TOM1L2: variants seen among roughly 807,000 people sequenced by gnomAD.
The protein encoded by TOM1L2 is TOM1-like protein 2.
In TOM1L2, 31 loss-of-function variants were observed where a neutral mutation model predicts 67.9. The observed-to-expected ratio is 0.46, with a 90% CI of 0.34 to 0.62. The LOEUF is 0.62. TOM1L2 is among the 20% of genes least tolerant of loss of function. The pLI, the probability that TOM1L2 is intolerant of heterozygous loss-of-function variation, is 0.01. For missense variants in TOM1L2, 606 were observed against 663.5 expected (o/e 0.91, Z 0.95); for synonymous variants, 256 against 254.0 (o/e 1.01, Z -0.07).
intron 1 of TOM1L2, among the ~76,000 whole-genome samples, chr17:17,966,549 G>A (rs1027473865): frequency 2.0e-5 from 3 of 152,196 alleles, no homozygotes; most frequent in African/African-American, 7.2e-5. Context: ...GAAACTCTGA[G>A]GGTAGGATCC....
At position 17,899,775 on chromosome 17, in the gene TOM1L2, G is replaced by C. The variant is rs117915049; in HGVS notation, c.138-1101C>G. 6.9e-3 allele frequency among the ~76,000 whole-genome samples: 1,055 copies of C among 152,298 alleles called. 5 individuals are homozygous for C. The highest frequency in any genetic ancestry group is 0.01 in the Non-Finnish European group (689 of 68,020). On this transcript the variant is annotated intron_variant, in intron 2 of 14. Coordinates refer to ENST00000379504, the MANE Select transcript of TOM1L2 (RefSeq NM_001082968.2). ...TGTGTCAATATACTGGTCTTTCCCA[G>C]CTTGCACGTTTGTTAAGTCAGGGAT...
intron 1 of TOM1L2, among the ~76,000 whole-genome samples, chr17:17,923,538 T>A (rs974204924): frequency 6.6e-6 from 1 of 150,434 alleles, no homozygotes; most frequent in Non-Finnish European, 1.5e-5. Flanking sequence ...AATTTTTTTT[T>A]AATTAGCTGG....
At chr17:17,871,900 A>C (rs2037173200) in intron 7 of TOM1L2, 3 of 836,248 alleles carry the variant, frequency 3.6e-6, no homozygotes, top group Non-Finnish European at 2.9e-6. Flanking sequence ...TAAGAGGTGA[A>C]TACGGGATCT....
At chr17:17,900,108 G>C (rs1050051067) in intron 2 of TOM1L2, among the ~76,000 whole-genome samples, 9 of 152,090 alleles carry the variant, frequency 5.9e-5, no homozygotes, top group African/African-American at 2.2e-4. Context: ...AGCTGCTCGG[G>C]AGGCTGAGGC....
At chr17:17,899,020 G>A (rs766949845) in intron 2 of TOM1L2, among the ~76,000 whole-genome samples, 3 of 152,254 alleles carry the variant, frequency 2.0e-5, no homozygotes, top group South Asian at 2.1e-4. Flanking sequence ...AGGTGCCAGC[G>A]TAGGGAAGAG....
chr17:17,850,141 G>A (rs2035876827), intron 13 of TOM1L2, among the ~76,000 whole-genome samples: 1 of 152,150 alleles, frequency 6.6e-6, no homozygotes, highest in African/African-American at 2.4e-5. Context: ...CCAGCTCTGG[G>A]GGAGAATCCA....
At chr17:17,894,112 ATGAC>A (rs1337300139) in intron 3 of TOM1L2, among the ~76,000 whole-genome samples, 1 of 152,214 alleles carries the variant, frequency 6.6e-6, no homozygotes, top group African/African-American at 2.4e-5. Context: ...TGGGATCAAA[ATGAC>A]TGAGCGGTCC....
chr17:17,894,964 CATA>C (rs2038484538), intron 3 of TOM1L2, among the ~76,000 whole-genome samples: 1 of 149,404 alleles, frequency 6.7e-6, no homozygotes, highest in African/African-American at 2.4e-5. Flanking sequence ...TACATACATA[CATA>C]CATACATACA....
chr17:17,907,321 T>C (rs2039142351), intron 2 of TOM1L2, 126 bp downstream of exon 2: 1 of 767,806 alleles, frequency 1.3e-6, no homozygotes, highest in Non-Finnish European at 2.0e-6. Context: ...GTCAGCTTAT[T>C]CGATGCCAAA....
chr17:17,923,452 G>A (rs1215730180), intron 1 of TOM1L2, among the ~76,000 whole-genome samples: 4 of 151,950 alleles, frequency 2.6e-5, no homozygotes, highest in African/African-American at 9.7e-5. Flanking sequence ...AACACCCATG[G>A]TAAAACTTCA....
At chr17:17,936,723 G>A (rs920526685) in intron 1 of TOM1L2, among the ~76,000 whole-genome samples, 16 of 152,066 alleles carry the variant, frequency 1.1e-4, no homozygotes, top group Non-Finnish European at 2.9e-5. Context: ...TATATTAAGT[G>A]GGAAAAACAG....
intron 1 of TOM1L2, among the ~76,000 whole-genome samples, chr17:17,968,874 C>G (rs1298882922): frequency 6.6e-6 from 1 of 152,032 alleles, no homozygotes; most frequent in South Asian, 2.1e-4. Context: ...GAGTTCCTAC[C>G]CATCCTTTAT....
intron 1 of TOM1L2, among the ~76,000 whole-genome samples, chr17:17,957,071 T>A (rs2041489291): frequency 6.6e-6 from 1 of 152,212 alleles, no homozygotes; most frequent in Non-Finnish European, 1.5e-5. Context: ...CTCCACCTCC[T>A]GGGCTCAAGC....
In TOM1L2 at chr17:17,927,195, G is replaced by A. The variant is rs191950905; in HGVS notation, c.53-19664C>T. ...TTAGCACTAAAAAAACCAACAGCAT[G>A]AAACTGCATTCTTCAATGGGGGTGG... On this transcript the variant is annotated intron_variant, in intron 1 of 14. Transcript: ENST00000379504. 1.6e-4 allele frequency among the ~76,000 whole-genome samples: 24 copies of A among 152,298 alleles called. No homozygotes were observed. In the East Asian group the frequency reaches 4.2e-3, roughly 27 times the overall value.
chr17:17,879,605 G>A (rs762074469), intron 7 of TOM1L2, 22 bp downstream of exon 7: 1 of 1,592,622 alleles, frequency 6.3e-7, no homozygotes, highest in South Asian at 1.1e-5. Flanking sequence ...CACAGGCCAA[G>A]TGCTTCTGAA....
Position 17,907,438 on chromosome 17 carries a change from C to A in TOM1L2, c.137+9G>T, listed in dbSNP as rs1429661910. 1.2e-6 allele frequency: 2 copies of A among 1,613,470 alleles called. No individual in the cohort carries two copies. The highest frequency in any genetic ancestry group is 2.2e-5 in the South Asian group (2 of 91,010). On this transcript the variant is annotated intron_variant, in intron 2 of 14. Transcript: ENST00000379504. Reference sequence around the variant, plus strand: ...AGAGAGGCTTCCCAGGAGAGGGGGGCACACGTACCCTTCCTCCGTCTCATT... The same window carrying A: ...AGAGAGGCTTCCCAGGAGAGGGGGGAACACGTACCCTTCCTCCGTCTCATT...
intron 2 of TOM1L2, among the ~76,000 whole-genome samples, chr17:17,900,498 G>C (rs57277459): frequency 2.7e-5 from 4 of 149,516 alleles, no homozygotes; most frequent in African/African-American, 1.0e-4. Context: ...CTCCAGCCTG[G>C]GTGACAGAGT....
chr17:17,885,520 A>C (rs1440637532), intron 4 of TOM1L2, among the ~76,000 whole-genome samples: 1 of 152,240 alleles, frequency 6.6e-6, no homozygotes, highest in East Asian at 1.9e-4. Context: ...AAAAATCCCA[A>C]GAAAAGCACA....
intron 2 of TOM1L2, among the ~76,000 whole-genome samples, chr17:17,900,277 T>C (rs1287046773): frequency 6.6e-6 from 1 of 151,268 alleles, no homozygotes; most frequent in African/African-American, 2.4e-5. Flanking sequence ...CCCAGGACTT[T>C]GGGAGGCCGA....
Sources: gnomAD v4.1 joint callset for allele counts (sites outside exome capture counted in the v4.1 genomes callset) on GRCh38, gnomAD v4.1.1 for gene constraint, MANE v1.5 for transcripts, NCBI Gene and HGNC (gene_info 2026-07-23, HGNC 2026-07-21) for gene names.